Variants in SULT1C2 observed in about 807,000 individuals in gnomAD.
SULT1C2 encodes the protein sulfotransferase 1C2.
SULT1C2 carries 27 observed loss-of-function variants against 36.0 expected under a neutral mutation model. The ratio of observed to expected loss-of-function variants is 0.75; its 90% CI spans 0.55 to 1.03. SULT1C2 has a LOEUF of 1.03. Among genes scored for constraint, SULT1C2 ranks in the 50% least tolerant of loss-of-function variants. SULT1C2 has a pLI of 0.00. For missense variants in SULT1C2, 395 were observed against 359.2 expected, an observed-to-expected ratio of 1.10 and a Z score of -0.80; for synonymous variants, 121 against 116.0, an observed-to-expected ratio of 1.04 and a Z score of -0.27.
At chr2:108,296,489 T>C (rs903164210) in intron 3 of SULT1C2, among the ~76,000 whole-genome samples, 1 of 151,968 alleles carries the variant, frequency 6.6e-6, no homozygotes, top group East Asian at 1.9e-4. Flanking sequence ...TCTGGCTCTG[T>C]TGCCCAGGCA....
chr2:108,306,132 C>T (rs1189163244), intron 7 of SULT1C2, among the ~76,000 whole-genome samples: 2 of 152,186 alleles, frequency 1.3e-5, no homozygotes, highest in African/African-American at 2.4e-5. Context: ...TTGGTCTTGA[C>T]CCTTACCCAA....
At chr2:108,289,333 A>C (rs772134772) in intron 1 of SULT1C2, among the ~76,000 whole-genome samples, 1 of 151,992 alleles carries the variant, frequency 6.6e-6, no homozygotes, top group African/African-American at 2.4e-5. Context: ...TCTTTTCCCA[A>C]ATACCCTCCC....
Position 108,305,533 on chromosome 2 carries a change from CA to C in SULT1C2, c.719del (p.Asn240IlefsTer18). The C allele has an allele frequency of 6.2e-7, 1 of 1,614,180 alleles. No homozygotes were observed. The highest frequency in any genetic ancestry group is 8.5e-7 in the Non-Finnish European group (1 of 1,180,026). On this transcript the variant is annotated frameshift_variant, in exon 7 of 8. Coordinates refer to ENST00000251481, the MANE Select transcript of SULT1C2 (RefSeq NM_001056.4). LOFTEE classifies it high-confidence loss of function. ...GAGAAAATGAAAGAAAATCCCATGA[CA>C]AATCGTTCTACAGTTTCCAAATCTA... is the stretch of plus-strand genomic sequence containing the variant. ...SFEKMKENPM[T>X]NRSTVSKSIL...
chr2:108,293,179 C>CAAAAA lies in SULT1C2; in HGVS notation c.-21-448_-21-444dup, dbSNP rs397869118. 7.6e-4 allele frequency among the ~76,000 whole-genome samples: 41 copies of CAAAAA among 54,056 alleles called. 1 individual carries two copies. The highest frequency in any genetic ancestry group is 2.1e-3 in the African/African-American group (30 of 14,178). 35.5% of individuals were successfully genotyped at this position (54,056 alleles called of 152,430 possible). On this transcript the variant is annotated intron_variant, in intron 1 of 7. Transcript: ENST00000251481. ...GGATAAACAGAGTGAGACTCTGTCT[C>CAAAAA]AAAAAAAAAAAAAAAAAAAAAAAAG...
intron 3 of SULT1C2, among the ~76,000 whole-genome samples, chr2:108,296,774 A>G (rs1676740457): frequency 6.6e-6 from 1 of 152,206 alleles, no homozygotes; most frequent in Admixed American, 6.5e-5. Flanking sequence ...CAGAGTAGAT[A>G]ATCCCTGCCA....
Position 108,294,412 on chromosome 2 carries a change from C to T in SULT1C2, c.277+58C>T, listed in dbSNP as rs2104413555. ...TTTCTTTCCCTCTCTCTTCTGTTTT[C>T]CCCTGTCTTTTCTCACTTTTCTCCT... On this transcript the variant is annotated intron_variant, in intron 3 of 7. Coordinates refer to ENST00000251481, the MANE Select transcript of SULT1C2 (RefSeq NM_001056.4). 1.3e-5 allele frequency: 21 copies of T among 1,582,898 alleles called. No homozygotes were observed. In the South Asian group the frequency reaches 2.3e-4, roughly 17 times the overall value.
intron 3 of SULT1C2, among the ~76,000 whole-genome samples, chr2:108,296,135 G>C (rs1003149651): frequency 3.9e-5 from 6 of 152,146 alleles, no homozygotes; most frequent in Non-Finnish European, 8.8e-5. Context: ...CCCTGCCGCT[G>C]CCCAGTGTCT....
chr2:108,305,320 G>A, intron 6 of SULT1C2, 54 bp downstream of exon 6: 1 of 1,611,058 alleles, frequency 6.2e-7, no homozygotes, highest in Non-Finnish European at 8.5e-7. Flanking sequence ...CAGGTGCAGA[G>A]AAATTCAAAG....
At chr2:108,301,202 A>G in intron 4 of SULT1C2, 1 of 398,334 alleles carries the variant, frequency 2.5e-6, no homozygotes, top group Non-Finnish European at 4.5e-6. Context: ...GTAGCTGTGA[A>G]ATGAAGGGGA....
chr2:108,295,748 T>C (rs1249780274), intron 3 of SULT1C2, among the ~76,000 whole-genome samples: 1 of 152,212 alleles, frequency 6.6e-6, no homozygotes, highest in Non-Finnish European at 1.5e-5. Context: ...ACTAACCACT[T>C]CTCCAGGCCC....
At chr2:108,292,816 T>C (rs1265750816) in intron 1 of SULT1C2, among the ~76,000 whole-genome samples, 3 of 152,180 alleles carry the variant, frequency 2.0e-5, no homozygotes, top group Admixed American at 6.5e-5. Context: ...CAAAGAGATA[T>C]TTGTACATCG....
In SULT1C2 at chr2:108,305,209, G is replaced by A. The variant is rs751902688; in HGVS notation, c.540G>A (p.Trp180Ter). 27 of 1,614,070 alleles carry A rather than the reference G, an allele frequency of 1.7e-5. No individual in the cohort carries two copies. The highest frequency in any genetic ancestry group is 2.1e-5 in the Non-Finnish European group (25 of 1,180,028). The change falls in exon 6 of 8, where the codon TGG becomes TGA. Residue 180 changes from tryptophan (W) to a stop codon, truncating the protein, a stop_gained. Coordinates refer to ENST00000251481, the MANE Select transcript of SULT1C2 (RefSeq NM_001056.4). LOFTEE classifies it high-confidence loss of function. Reference sequence around the variant, plus strand: ...CCTGGTTTGACCACGTGAAAGGATGGTGGGAGATGAAAGACAGACACCAGA... The same window carrying A: ...CCTGGTTTGACCACGTGAAAGGATGATGGGAGATGAAAGACAGACACCAGA... ...WGSWFDHVKG[W>*]WEMKDRHQIL...
chr2:108,294,777 T>TACACAC (rs149576778), intron 3 of SULT1C2, among the ~76,000 whole-genome samples: 95 of 148,300 alleles, frequency 6.4e-4, no homozygotes, highest in African/African-American at 2.3e-3. Context: ...CACACACACA[T>TACACAC]ACACACACAC....
intron 2 of SULT1C2, 132 bp from the exon 3 acceptor site, chr2:108,294,097 C>A (rs1558676881): frequency 2.0e-6 from 3 of 1,489,790 alleles, no homozygotes. Flanking sequence ...TCACTCATGG[C>A]AAACAGGATT....
At chr2:108,296,633 A>ATTACAAAATACCAAATTT (rs1676736984) in intron 3 of SULT1C2, among the ~76,000 whole-genome samples, 1 of 152,132 alleles carries the variant, frequency 6.6e-6, no homozygotes, top group African/African-American at 2.4e-5. Flanking sequence ...TGGTATTTTT[A>ATTACAAAATACCAAATTT]GTACAGTCAG....
At chr2:108,292,272 G>A (rs1425195590) in intron 1 of SULT1C2, among the ~76,000 whole-genome samples, 1 of 152,138 alleles carries the variant, frequency 6.6e-6, no homozygotes, top group Non-Finnish European at 1.5e-5. Context: ...TTCATTAGTA[G>A]TAGTAGTAAT....
chr2:108,298,236 T>C lies in SULT1C2; in HGVS notation c.278-2602T>C, dbSNP rs1676785367. On this transcript the variant is annotated intron_variant, in intron 3 of 7. Transcript: ENST00000251481. Reference sequence around the variant, plus strand: ...CATTGTGCTTCTTTAGCTCTGCCACTATTTTTCTTTTCAGCTATATAAGCT... The same window carrying C: ...CATTGTGCTTCTTTAGCTCTGCCACCATTTTTCTTTTCAGCTATATAAGCT... Among the ~76,000 whole-genome samples the C allele has an allele frequency of 2.0e-5, 3 of 152,364 alleles. No homozygotes were observed. In the South Asian group the frequency reaches 6.2e-4, roughly 32 times the overall value.
chr2:108,307,596 G>C (rs1677057525), intron 7 of SULT1C2, among the ~76,000 whole-genome samples: 1 of 152,110 alleles, frequency 6.6e-6, no homozygotes, highest in African/African-American at 2.4e-5. Flanking sequence ...TATTTCTGTT[G>C]CATAATTTTC....
At chr2:108,307,222 T>G (rs549136086) in intron 7 of SULT1C2, among the ~76,000 whole-genome samples, 13 of 152,348 alleles carry the variant, frequency 8.5e-5, no homozygotes, top group African/African-American at 3.1e-4. Context: ...TGGTAATGAT[T>G]TGTCAAGGTG....
Sources: allele counts gnomAD v4.1 joint callset (sites outside exome capture counted in the v4.1 genomes callset), GRCh38; gene constraint gnomAD v4.1.1; transcripts MANE v1.5; gene names NCBI Gene and HGNC (gene_info 2026-07-23, HGNC 2026-07-21).